The following GRM8 variants were observed in gnomAD, a reference collection of about 807,000 sequenced individuals.
The protein encoded by GRM8 is glutamate metabotropic receptor 8.
In GRM8, 47 loss-of-function variants were observed where a neutral mutation model predicts 87.2. The observed-to-expected ratio is 0.54, with a 90% CI of 0.43 to 0.69. The LOEUF is 0.69. Among genes scored for constraint, GRM8 ranks in the 30% least tolerant of loss-of-function variants. The pLI is 0.00. For synonymous variants in GRM8, 396 were observed against 404.5 expected (o/e 0.98, Z 0.25); for missense variants, 1,019 against 1,139.2 (o/e 0.89, Z 1.52).
chr7:126,719,125 CT>C (rs935299030), intron 7 of GRM8, among the ~76,000 whole-genome samples: 8 of 152,032 alleles, frequency 5.3e-5, no homozygotes, highest in Non-Finnish European at 7.4e-5. Flanking sequence ...AACTCCAGAT[CT>C]TTTTTTACCT....
intron 7 of GRM8, among the ~76,000 whole-genome samples, chr7:126,622,663 A>T (rs1265950687): frequency 6.6e-6 from 1 of 152,116 alleles, no homozygotes; most frequent in Non-Finnish European, 1.5e-5. Flanking sequence ...TACATAAACA[A>T]ATTTAGACTT....
chr7:126,762,847 A>G (rs1402565578), intron 7 of GRM8, among the ~76,000 whole-genome samples: 1 of 151,928 alleles, frequency 6.6e-6, no homozygotes, highest in East Asian at 1.9e-4. Context: ...TACCAAGCAA[A>G]TGATCTCCAA....
intron 7 of GRM8, among the ~76,000 whole-genome samples, chr7:126,648,884 G>C (rs1006866870): frequency 1.3e-5 from 2 of 152,128 alleles, no homozygotes; most frequent in African/African-American, 2.4e-5. Flanking sequence ...ATATTTACTG[G>C]AGTAGTTATC....
In GRM8 at chr7:126,673,877, G is replaced by A. The variant is rs1360099638; in HGVS notation, c.1358-64379C>T. 6.6e-5 allele frequency among the ~76,000 whole-genome samples: 10 copies of A among 152,256 alleles called. No individual in the cohort carries two copies. In the East Asian group the frequency reaches 1.2e-3, roughly 18 times the overall value. The stretch of plus-strand genomic sequence containing the variant: ...TAGTTTTATGAGACACTCTGGAGAA[G>A]TATTACATATTATTAATATTTTCCC... On this transcript the variant is annotated intron_variant, in intron 7 of 10. Transcript: ENST00000339582.
At chr7:126,878,974 C>T (rs1239905509) in intron 6 of GRM8, among the ~76,000 whole-genome samples, 3 of 151,842 alleles carry the variant, frequency 2.0e-5, no homozygotes, top group Non-Finnish European at 4.4e-5. Flanking sequence ...ACCAGCCTGC[C>T]CAATATGGGG....
intron 3 of GRM8, among the ~76,000 whole-genome samples, chr7:127,097,179 G>C (rs1043804042): frequency 6.6e-6 from 1 of 152,156 alleles, no homozygotes; most frequent in Non-Finnish European, 1.5e-5. Flanking sequence ...ACAGAGTTAA[G>C]CGCAGGGACC....
At chr7:126,532,530 C>T (rs890923640) in intron 9 of GRM8, among the ~76,000 whole-genome samples, 34 of 152,050 alleles carry the variant, frequency 2.2e-4, no homozygotes, top group Admixed American at 2.0e-3. Context: ...TGGCATATCT[C>T]GGGGACAGCT....
In GRM8 at chr7:127,240,819, A is replaced by C. The variant is rs1048748700; in HGVS notation, c.510+1876T>G. On this transcript the variant is annotated intron_variant, in intron 2 of 10. Coordinates refer to ENST00000339582, the MANE Select transcript of GRM8 (RefSeq NM_000845.3). Reference sequence around the variant, plus strand: ...CACAGAACCGGGGTAGCTGGGAGGAATACTAGATCCCAAGATGTGGGAGGA... The same window carrying C: ...CACAGAACCGGGGTAGCTGGGAGGACTACTAGATCCCAAGATGTGGGAGGA... Among the ~76,000 whole-genome samples the C allele has an allele frequency of 2.6e-5, 4 of 152,130 alleles. No individual in the cohort carries two copies. In the East Asian group the frequency reaches 5.8e-4, roughly 22 times the overall value.
At chr7:127,180,148 C>T (rs898060118) in intron 2 of GRM8, among the ~76,000 whole-genome samples, 6 of 151,776 alleles carry the variant, frequency 4.0e-5, no homozygotes, top group African/African-American at 1.4e-4. Context: ...AATAACCTCA[C>T]TAAGAAACAA....
intron 9 of GRM8, among the ~76,000 whole-genome samples, chr7:126,486,500 G>T (rs1807389014): frequency 6.6e-6 from 1 of 151,920 alleles, no homozygotes; most frequent in Admixed American, 6.6e-5. Flanking sequence ...TCGCCTGAAG[G>T]TTACACTTCC....
intron 6 of GRM8, among the ~76,000 whole-genome samples, chr7:126,790,631 C>T (rs923692487): frequency 2.0e-5 from 3 of 151,790 alleles, no homozygotes; most frequent in Admixed American, 6.6e-5. Flanking sequence ...GAGGTGAATC[C>T]GCTTTGTTTT....
chr7:127,011,963 G>A (rs540764090), intron 3 of GRM8, among the ~76,000 whole-genome samples: 4 of 152,168 alleles, frequency 2.6e-5, no homozygotes, highest in South Asian at 2.1e-4. Flanking sequence ...CCTGTGAATC[G>A]ACATTAATCA....
intron 9 of GRM8, among the ~76,000 whole-genome samples, chr7:126,504,980 G>A (rs1810224169): frequency 6.6e-6 from 1 of 152,006 alleles, no homozygotes; most frequent in African/African-American, 2.4e-5. Context: ...AAGTTATAGA[G>A]GTTTTTCATT....
intron 3 of GRM8, among the ~76,000 whole-genome samples, chr7:127,016,977 C>T (rs1815741810): frequency 1.3e-5 from 2 of 151,932 alleles, no homozygotes; most frequent in East Asian, 1.9e-4. Context: ...AAGAAAAATG[C>T]CCATCTTGAT....
At chr7:126,503,587 C>A (rs550337495) in intron 9 of GRM8, among the ~76,000 whole-genome samples, 6 of 151,662 alleles carry the variant, frequency 4.0e-5, no homozygotes, top group African/African-American at 1.2e-4. Context: ...GGCATATTTA[C>A]AAAAAAAGGT....
chr7:127,192,464 T>G (rs1475706156), intron 2 of GRM8, among the ~76,000 whole-genome samples: 3 of 152,214 alleles, frequency 2.0e-5, no homozygotes, highest in Non-Finnish European at 4.4e-5. Flanking sequence ...TCTAGACTAT[T>G]CCAAAGAAAG....
chr7:126,631,731 A>G (rs1430797796), intron 7 of GRM8, among the ~76,000 whole-genome samples: 2 of 152,150 alleles, frequency 1.3e-5, no homozygotes, highest in Non-Finnish European at 2.9e-5. Flanking sequence ...AAAACCACAC[A>G]TTTACAACCA....
intron 9 of GRM8, among the ~76,000 whole-genome samples, chr7:126,502,996 C>G (rs1443720770): frequency 6.6e-6 from 1 of 151,914 alleles, no homozygotes; most frequent in Non-Finnish European, 1.5e-5. Flanking sequence ...TCATGAGGAC[C>G]TCATTCCTAT....
At chr7:126,847,577 C>T (rs1403054601) in intron 6 of GRM8, among the ~76,000 whole-genome samples, 2 of 152,166 alleles carry the variant, frequency 1.3e-5, no homozygotes, top group South Asian at 2.1e-4. Flanking sequence ...GATCCCTAGA[C>T]ATCTCTTGTC....
Sources: gnomAD v4.1 joint callset for allele counts (sites outside exome capture counted in the v4.1 genomes callset) on GRCh38, gnomAD v4.1.1 for gene constraint, MANE v1.5 for transcripts, NCBI Gene and HGNC (gene_info 2026-07-23, HGNC 2026-07-21) for gene names.